The following MYO5A variants were observed in gnomAD, a reference collection of about 807,000 sequenced individuals.
The protein encoded by MYO5A is myosin VA.
MYO5A carries 98 observed loss-of-function variants against 249.7 expected under a neutral mutation model. That is an observed-to-expected ratio of 0.39 (90% CI 0.33 to 0.46). The LOEUF (loss-of-function observed/expected upper bound fraction) is 0.46. MYO5A is among the 20% of genes least tolerant of loss of function. MYO5A has a pLI of 0.98. For missense variants in MYO5A, 1,696 were observed against 2,308.8 expected, an observed-to-expected ratio of 0.73 and a Z score of 5.44; for synonymous variants, 778 against 810.6, an observed-to-expected ratio of 0.96 and a Z score of 0.68.
At chr15:52,346,526 T>A (rs2039637134) in intron 29 of MYO5A, 65 bp from the exon 30 acceptor site, 2 of 1,036,312 alleles carry the variant, frequency 1.9e-6, no homozygotes, top group Non-Finnish European at 3.0e-6. Context: ...ATAAAACACA[T>A]TTATTTGGTA....
chr15:52,488,072 G>T (rs113311164), intron 1 of MYO5A, among the ~76,000 whole-genome samples: 8 of 151,676 alleles, frequency 5.3e-5, no homozygotes, highest in African/African-American at 1.9e-4. Context: ...GTAGCAAAAA[G>T]TTCCTTTACT....
chr15:52,489,373 A>G (rs1020228645), intron 1 of MYO5A, among the ~76,000 whole-genome samples: 106 of 151,838 alleles, frequency 7.0e-4, no homozygotes, highest in Non-Finnish European at 4.6e-4. Flanking sequence ...GACCATCCTG[A>G]TTAACACAGT....
At chr15:52,460,270 T>C (rs1358374700) in intron 1 of MYO5A, among the ~76,000 whole-genome samples, 1 of 152,192 alleles carries the variant, frequency 6.6e-6, no homozygotes, top group Non-Finnish European at 1.5e-5. Context: ...GCTGCAATCT[T>C]GGCACTTTAG....
intron 1 of MYO5A, among the ~76,000 whole-genome samples, chr15:52,464,488 C>T (rs927778362): frequency 1.3e-5 from 2 of 152,194 alleles, no homozygotes; most frequent in African/African-American, 4.8e-5. Flanking sequence ...AAAAAGTCCA[C>T]CCTGACTACT....
At chr15:52,344,959 CAT>C in intron 30 of MYO5A, among the ~76,000 whole-genome samples, 1 of 152,318 alleles carries the variant, frequency 6.6e-6, no homozygotes, top group Middle Eastern at 3.4e-3. Context: ...TTAGATATAA[CAT>C]ATGTTTATAA....
At chr15:52,341,941 T>A (rs1724363181) in intron 31 of MYO5A, among the ~76,000 whole-genome samples, 1 of 152,236 alleles carries the variant, frequency 6.6e-6, no homozygotes, top group Non-Finnish European at 1.5e-5. Flanking sequence ...GGGTAATTAT[T>A]CTGAGCTATA....
intron 9 of MYO5A, among the ~76,000 whole-genome samples, chr15:52,398,543 T>C (rs1003871529): frequency 2.6e-5 from 4 of 152,154 alleles, no homozygotes; most frequent in African/African-American, 4.8e-5. Context: ...GACACCTTCA[T>C]CTCTAGACTC....
At chr15:52,402,425 T>C (rs1244114046) in intron 9 of MYO5A, among the ~76,000 whole-genome samples, 1 of 152,140 alleles carries the variant, frequency 6.6e-6, no homozygotes. Context: ...TTTATATGGG[T>C]CCTGTGTCTT....
At chr15:52,523,599 A>G (rs563958641) in intron 1 of MYO5A, among the ~76,000 whole-genome samples, 5 of 152,372 alleles carry the variant, frequency 3.3e-5, no homozygotes, top group Admixed American at 2.6e-4. Flanking sequence ...TGTTTGGGAC[A>G]TTAAGACAGA....
intron 40 of MYO5A, among the ~76,000 whole-genome samples, chr15:52,316,485 C>A (rs946460103): frequency 2.0e-5 from 3 of 152,160 alleles, no homozygotes. Flanking sequence ...AGAACCTCTA[C>A]GGTAGAGTCA....
At chr15:52,431,121 ACTCAGGAAGCTGAGGCACAAGAAT>A (rs1325207459) in intron 2 of MYO5A, among the ~76,000 whole-genome samples, 1 of 150,682 alleles carries the variant, frequency 6.6e-6, no homozygotes, top group Non-Finnish European at 1.5e-5. Context: ...AATCCCAGCT[ACTCAGGAAGCTGAGGCACAAGAAT>A]CATTTGAACC....
intron 39 of MYO5A, among the ~76,000 whole-genome samples, chr15:52,318,845 T>C (rs1236026538): frequency 6.6e-6 from 1 of 152,196 alleles, no homozygotes; most frequent in African/African-American, 2.4e-5. Flanking sequence ...GTGAAGAACC[T>C]GTTGGCAGGG....
intron 4 of MYO5A, among the ~76,000 whole-genome samples, chr15:52,423,551 TAA>T (rs372778294): frequency 1.0e-4 from 8 of 77,890 alleles, no homozygotes; most frequent in Non-Finnish European, 7.3e-5. Context: ...GACTCCGTCT[TAA>T]AAAAAAAAAA....
At chr15:52,315,501 A>C (rs2037959055) in intron 40 of MYO5A, among the ~76,000 whole-genome samples, 1 of 151,732 alleles carries the variant, frequency 6.6e-6, no homozygotes, top group South Asian at 2.1e-4. Flanking sequence ...CAGCCTCCCA[A>C]GTAGCTGGGA....
chr15:52,369,636 A>G (rs1421691294), intron 22 of MYO5A, among the ~76,000 whole-genome samples: 1 of 152,048 alleles, frequency 6.6e-6, no homozygotes, highest in Non-Finnish European at 1.5e-5. Flanking sequence ...TTCAACAAGG[A>G]TCCCTACCAT....
intron 1 of MYO5A, among the ~76,000 whole-genome samples, chr15:52,490,815 G>C (rs1482400009): frequency 1.3e-5 from 2 of 152,068 alleles, no homozygotes; most frequent in African/African-American, 2.4e-5. Flanking sequence ...TCAAACTCCT[G>C]GGCTCAAGCA....
chr15:52,391,657 A>C (rs1439475665), intron 12 of MYO5A, among the ~76,000 whole-genome samples: 1 of 152,204 alleles, frequency 6.6e-6, no homozygotes, highest in Non-Finnish European at 1.5e-5. Context: ...GTACTAAACA[A>C]ATTAATAACA....
At chr15:52,416,049 C>A (rs1435126368) in intron 5 of MYO5A, 96 bp downstream of exon 5, 44 of 1,414,714 alleles carry the variant, frequency 3.1e-5, no homozygotes, top group Non-Finnish European at 4.2e-5. Context: ...TGGCTGGAGA[C>A]CCCAGGCTTT....
chr15:52,414,111 T>G (rs984308740), intron 5 of MYO5A, among the ~76,000 whole-genome samples: 2 of 152,172 alleles, frequency 1.3e-5, no homozygotes, highest in Non-Finnish European at 2.9e-5. Context: ...TCTCCCTCTG[T>G]GAGACTGGAT....
Sources: gnomAD v4.1 joint callset for allele counts (sites outside exome capture counted in the v4.1 genomes callset) on GRCh38, gnomAD v4.1.1 for gene constraint, MANE v1.5 for transcripts, NCBI Gene and HGNC (gene_info 2026-07-23, HGNC 2026-07-21) for gene names.